Variants in MFN1 observed in about 807,000 individuals in gnomAD.
The protein encoded by MFN1 is mitofusin 1.
In MFN1, 65 loss-of-function variants were observed where a neutral mutation model predicts 92.4. The ratio of observed to expected loss-of-function variants is 0.70; its 90% confidence interval spans 0.58 to 0.86. MFN1 has a LOEUF of 0.86. Ranked by LOEUF, MFN1 falls within the 40% of genes least tolerant of loss-of-function variation. The pLI is 0.00. For missense variants in MFN1, 781 were observed against 868.0 expected (o/e 0.90, Z 1.26); for synonymous variants, 297 against 300.9 (o/e 0.99, Z 0.13).
intron 14 of MFN1, among the ~76,000 whole-genome samples, chr3:179,385,084 T>A (rs1713624137): frequency 6.6e-6 from 1 of 151,284 alleles, no homozygotes; most frequent in South Asian, 2.1e-4. Flanking sequence ...TTTTTTTTTT[T>A]ATGTATTTTT....
chr3:179,384,900 CTTT>C (rs35563595), intron 14 of MFN1, among the ~76,000 whole-genome samples: 257 of 84,642 alleles, frequency 3.0e-3, no homozygotes, highest in African/African-American at 0.011. Flanking sequence ...TTTTGAAGTC[CTTT>C]TTTTTTTTTT....
At position 179,365,172 on chromosome 3, in the gene MFN1, A is replaced by G. The variant is rs1577006574; in HGVS notation, c.700A>G (p.Ile234Val). Residue 234 changes from isoleucine (I) to valine (V), a missense_variant, in exon 7 of 18, where the codon ATT (isoleucine) becomes GTT (valine). Physicochemically the swap from Ile to Val is conservative, Grantham distance 29. Transcript: ENST00000471841. ...GCGGCTTTCCAAGCCTAATATTTTC[A>G]TTCTCAATAATCGTTGGGATGCCTC... Reference protein sequence around the residue: ...NERLSKPNIFILNNRWDASAS... With the variant: ...NERLSKPNIFVLNNRWDASAS... 2 of 1,555,868 alleles carry G rather than the reference A, an allele frequency of 1.3e-6. No homozygotes were observed. Among genetic ancestry groups the G allele is most frequent in the Non-Finnish European group, 1.7e-6 (2 of 1,160,346 alleles).
intron 4 of MFN1, among the ~76,000 whole-genome samples, chr3:179,361,091 A>G (rs1712557228): frequency 6.6e-6 from 1 of 152,142 alleles, no homozygotes; most frequent in Non-Finnish European, 1.5e-5. Context: ...TCAGCCTGGG[A>G]AATGGAGCAA....
At chr3:179,383,090 A>G (rs1168168356) in intron 14 of MFN1, among the ~76,000 whole-genome samples, 1 of 152,102 alleles carries the variant, frequency 6.6e-6, no homozygotes, top group African/African-American at 2.4e-5. Context: ...CCATTTGTCA[A>G]TTTTGGCTTT....
chr3:179,362,553 A>C, intron 5 of MFN1, 71 bp downstream of exon 5: 1 of 1,361,918 alleles, frequency 7.3e-7, no homozygotes, highest in Non-Finnish European at 9.8e-7. Flanking sequence ...ACTTTAGCAT[A>C]TGGTATAAAA....
chr3:179,375,781 C>T (rs752387915), intron 10 of MFN1, among the ~76,000 whole-genome samples: 23 of 152,130 alleles, frequency 1.5e-4, no homozygotes, highest in Admixed American at 5.9e-4. Context: ...GCCTGGTGAA[C>T]AAACAAGGCG....
rs1364938908 is a variant in MFN1, at chr3:179,393,586, T to C, written c.*1527T>C. The C allele has an allele frequency of 6.6e-6, 1 of 152,174 alleles. No individual in the cohort carries two copies. The highest frequency in any genetic ancestry group is 1.9e-4 in the East Asian group (1 of 5,196). 9.4% of individuals were successfully genotyped at this position (152,174 alleles called of 1,614,324 possible). A position where few individuals can be genotyped will look rare whatever the true frequency, so the allele number is the denominator to read the frequency against. On this transcript the variant is annotated 3_prime_UTR_variant, in exon 18 of 18. Coordinates refer to ENST00000471841, the MANE Select transcript of MFN1 (RefSeq NM_033540.3). The stretch of plus-strand genomic sequence containing the variant: ...ATATTTTTATGCAAATTGACACGAG[T>C]GCAGTATACTAATGCAAATTAATTT...
In MFN1 at chr3:179,356,694, A is replaced by G. The variant is rs114505566; in HGVS notation, c.249-2146A>G. 2.0e-4 allele frequency among the ~76,000 whole-genome samples: 31 copies of G among 152,198 alleles called. 1 individual carries two copies. Among genetic ancestry groups the G allele is most frequent in the Non-Finnish European group, 4.4e-4 (30 of 68,038 alleles). On this transcript the variant is annotated intron_variant, in intron 3 of 17. Transcript: ENST00000471841. ...GACAGTGTGTCTCACTTTAGTATGC[A>G]TAAGAATCATCCCAAGAGCATCCCC... is the stretch of plus-strand genomic sequence containing the variant.
chr3:179,384,600 G>A (rs7639279), intron 14 of MFN1, among the ~76,000 whole-genome samples: 7,907 of 152,242 alleles, frequency 0.052, 656 homozygotes, highest in African/African-American at 0.18. Flanking sequence ...ACAAGGACTT[G>A]CTATGCCCAA....
At position 179,348,829 on chromosome 3, in the gene MFN1, C is replaced by G. The variant is rs1201208612; in HGVS notation, c.-7-16C>G. ...TCCACTTTAGTTGGTGCTTTTCTAA[C>G]TTTATCTCCCTCTAGTAGCATAATG... On this transcript the variant is annotated splice_polypyrimidine_tract_variant and intron_variant, in intron 1 of 17. Transcript: ENST00000471841. 1 of 1,605,786 alleles carries G rather than the reference C, an allele frequency of 6.2e-7. No homozygotes were observed. The highest frequency in any genetic ancestry group is 1.3e-5 in the African/African-American group (1 of 74,864).
At chr3:179,386,669 C>T (rs747467527) in intron 16 of MFN1, 40 bp downstream of exon 16, 7 of 1,546,146 alleles carry the variant, frequency 4.5e-6, no homozygotes, top group Non-Finnish European at 6.1e-6. Context: ...AAAAAAGTTA[C>T]TGAAATATGA....
chr3:179,366,005 G>C (rs1271194714), intron 7 of MFN1, among the ~76,000 whole-genome samples: 1 of 152,180 alleles, frequency 6.6e-6, no homozygotes. Flanking sequence ...GCATATGTAT[G>C]CATTTTTGTT....
rs753029746 is a variant in MFN1, at chr3:179,354,211, T to TGA, written c.248+2177_248+2178dup. Among the ~76,000 whole-genome samples the TGA allele has an allele frequency of 3.9e-5, 6 of 152,252 alleles. 2 individuals carry two copies. Among genetic ancestry groups the TGA allele is most frequent in the South Asian group, 2.1e-4 (1 of 4,826 alleles). On this transcript the variant is annotated intron_variant, in intron 3 of 17. Coordinates refer to ENST00000471841, the MANE Select transcript of MFN1 (RefSeq NM_033540.3). ...TGAGAAATAGGTATAGCTTTGGATG[T>TGA]GAAAAAGGTCCAAAAGCTCATTTCT...
chr3:179,385,581 T>C lies in MFN1; in HGVS notation c.1675T>C (p.Leu559=), dbSNP rs141294939. The part of the protein sequence containing the change: ...SEPIFQLPRS[L]ASTPTAPTTP... ...TTTTTTTTGGCAGCTCCCTAGATCTTTAGCTTCTACTCCCACTGCTCCTAC... is the reference window on the plus strand; with the variant it reads ...TTTTTTTTGGCAGCTCCCTAGATCTCTAGCTTCTACTCCCACTGCTCCTAC... The change falls in exon 15 of 18, where the codon TTA becomes CTA. Residue 559 remains leucine (L), a synonymous_variant. Transcript: ENST00000471841. 1.6e-5 allele frequency: 25 copies of C among 1,604,040 alleles called. No homozygotes were observed. Among genetic ancestry groups the C allele is most frequent in the Non-Finnish European group, 2.1e-5 (25 of 1,177,826 alleles).
At chr3:179,380,780 A>G (rs755363634) in intron 14 of MFN1, among the ~76,000 whole-genome samples, 3 of 152,220 alleles carry the variant, frequency 2.0e-5, no homozygotes, top group Non-Finnish European at 4.4e-5. Context: ...AAGATGCCAT[A>G]GATGCTTTTG....
chr3:179,359,319 A>C (rs1183451369), intron 4 of MFN1, among the ~76,000 whole-genome samples: 1 of 149,800 alleles, frequency 6.7e-6, no homozygotes, highest in Non-Finnish European at 1.5e-5. Context: ...TGGGGGTTTC[A>C]CCATCTTGGC....
In MFN1 at chr3:179,362,592, C is replaced by T. The variant is rs192669819; in HGVS notation, c.536+110C>T. 2,064 of 980,134 alleles carry T rather than the reference C, an allele frequency of 2.1e-3. 7 individuals carry two copies. The highest frequency in any genetic ancestry group is 2.3e-3 in the Non-Finnish European group (1,608 of 693,964). The allele number at this position is 980,134 out of a possible 1,614,324, so 60.7% of individuals were successfully genotyped here. A position where few individuals can be genotyped will look rare whatever the true frequency, so the allele number is the denominator to read the frequency against. Reference sequence around the variant, plus strand: ...TACAACATTCAGTTGCCATTTTGTTCTCATTAGCTAGATTAAGGAAGAGAT... The same window carrying T: ...TACAACATTCAGTTGCCATTTTGTTTTCATTAGCTAGATTAAGGAAGAGAT... On this transcript the variant is annotated intron_variant, in intron 5 of 17. Coordinates refer to ENST00000471841, the MANE Select transcript of MFN1 (RefSeq NM_033540.3).
At chr3:179,361,687 C>T (rs1712588142) in intron 4 of MFN1, among the ~76,000 whole-genome samples, 1 of 152,076 alleles carries the variant, frequency 6.6e-6, no homozygotes, top group Non-Finnish European at 1.5e-5. Context: ...GAGGCACGTG[C>T]CACCATGCCC....
At chr3:179,349,785 G>A (rs1431131303) in intron 2 of MFN1, among the ~76,000 whole-genome samples, 1 of 151,928 alleles carries the variant, frequency 6.6e-6, no homozygotes, top group African/African-American at 2.4e-5. Flanking sequence ...GGGATTACAG[G>A]TGTGAGCCAC....
Sources: gnomAD v4.1 joint callset for allele counts (sites outside exome capture counted in the v4.1 genomes callset) on GRCh38, gnomAD v4.1.1 for gene constraint, MANE v1.5 for transcripts, NCBI Gene and HGNC (gene_info 2026-07-23, HGNC 2026-07-21) for gene names.